The following RBFOX1 variants were observed in gnomAD, a reference collection of about 807,000 sequenced individuals.
RBFOX1 encodes RNA binding fox-1 homolog 1.
In RBFOX1, 8 loss-of-function variants were observed where a neutral mutation model predicts 57.7. The ratio of observed to expected loss-of-function variants is 0.14; its 90% confidence interval spans 0.08 to 0.25. The LOEUF (loss-of-function observed/expected upper bound fraction) is 0.25. Ranked by LOEUF, RBFOX1 falls within the 10% of genes least tolerant of loss-of-function variation. The pLI is 1.00. For synonymous variants in RBFOX1, 326 were observed against 222.4 expected, an observed-to-expected ratio of 1.47 and a Z score of -4.15; for missense variants, 611 against 548.5, an observed-to-expected ratio of 1.11 and a Z score of -1.14.
At chr16:7,380,962 G>C (rs993035288) in intron 4 of RBFOX1, among the ~76,000 whole-genome samples, 1 of 152,216 alleles carries the variant, frequency 6.6e-6, no homozygotes, top group Non-Finnish European at 1.5e-5. Context: ...TGAATCTCCA[G>C]AGTTCTCAGT....
chr16:6,933,885 A>G (rs886752451), intron 3 of RBFOX1, among the ~76,000 whole-genome samples: 2 of 152,198 alleles, frequency 1.3e-5, no homozygotes, highest in African/African-American at 2.4e-5. Flanking sequence ...TTTTGTCAAA[A>G]CAAAGTTATT....
intron 2 of RBFOX1, among the ~76,000 whole-genome samples, chr16:5,573,839 A>G (rs2046365160): frequency 6.6e-6 from 1 of 152,124 alleles, no homozygotes; most frequent in Non-Finnish European, 1.5e-5. Flanking sequence ...CTGTAGTCCC[A>G]GCTACTTGGG....
chr16:5,427,604 C>G (rs1023339865), intron 1 of RBFOX1, among the ~76,000 whole-genome samples: 3 of 151,578 alleles, frequency 2.0e-5, no homozygotes, highest in African/African-American at 7.3e-5. Context: ...CAAAACAAAA[C>G]AAAACAAAAC....
Position 6,878,855 on chromosome 16 carries a change from G to C in RBFOX1, c.-15-173202G>C, listed in dbSNP as rs1187441050. 2.1e-5 allele frequency among the ~76,000 whole-genome samples: 3 copies of C among 144,162 alleles called. No homozygotes were observed. The East Asian group carries it at 6.1e-4, about 29-fold the overall frequency. 94.6% of individuals were successfully genotyped at this position (144,162 alleles called of 152,430 possible). On this transcript the variant is annotated intron_variant, in intron 3 of 15. Transcript: ENST00000550418. ...AACCTATTTGAAGTTTTAAGGATCA[G>C]AGAGAAATTAACAGCTAATCTTTGA...
intron 2 of RBFOX1, among the ~76,000 whole-genome samples, chr16:6,554,351 G>C (rs1225667053): frequency 6.6e-6 from 1 of 152,122 alleles, no homozygotes; most frequent in Non-Finnish European, 1.5e-5. Flanking sequence ...CAAGTCTATA[G>C]AGATGCGAAG....
chr16:7,155,434 A>C (rs879857198), intron 4 of RBFOX1, among the ~76,000 whole-genome samples: 1 of 151,656 alleles, frequency 6.6e-6, no homozygotes, highest in African/African-American at 2.4e-5. Flanking sequence ...ACATAAAATG[A>C]TAATAATAGA....
intron 2 of RBFOX1, among the ~76,000 whole-genome samples, chr16:6,374,626 T>G (rs1327592265): frequency 6.6e-6 from 1 of 152,194 alleles, no homozygotes; most frequent in Non-Finnish European, 1.5e-5. Flanking sequence ...GAAAATGTCT[T>G]TTTTCCACAG....
At chr16:5,330,014 G>T (rs2064704165) in intron 1 of RBFOX1, among the ~76,000 whole-genome samples, 1 of 151,980 alleles carries the variant, frequency 6.6e-6, no homozygotes, top group South Asian at 2.1e-4. Flanking sequence ...GACCGATGCG[G>T]TGTCTGATGA....
chr16:5,415,844 C>T (rs942455446), intron 1 of RBFOX1, among the ~76,000 whole-genome samples: 1 of 152,122 alleles, frequency 6.6e-6, no homozygotes, highest in Non-Finnish European at 1.5e-5. Context: ...GGCTAAGACA[C>T]AGGGATATTT....
chr16:6,890,350 C>T (rs2065112236), intron 3 of RBFOX1, among the ~76,000 whole-genome samples: 1 of 152,162 alleles, frequency 6.6e-6, no homozygotes, highest in African/African-American at 2.4e-5. Context: ...GAAACCCCGT[C>T]TCTACTAAAA....
intron 2 of RBFOX1, among the ~76,000 whole-genome samples, chr16:6,381,048 A>C (rs1433023801): frequency 1.3e-5 from 2 of 152,170 alleles, no homozygotes; most frequent in African/African-American, 4.8e-5. Flanking sequence ...GGCAGGTCAG[A>C]GAGGAGATGC....
chr16:7,430,592 A>T (rs985775295), intron 4 of RBFOX1, among the ~76,000 whole-genome samples: 3 of 151,766 alleles, frequency 2.0e-5, no homozygotes, highest in Non-Finnish European at 4.4e-5. Flanking sequence ...AACCCAGGAG[A>T]CAGAGGTTTC....
chr16:5,689,212 T>G (rs1252193971), intron 3 of RBFOX1, among the ~76,000 whole-genome samples: 1 of 152,186 alleles, frequency 6.6e-6, no homozygotes, highest in Non-Finnish European at 1.5e-5. Context: ...TGGCACTCAT[T>G]AAGGATTGCT....
intron 3 of RBFOX1, among the ~76,000 whole-genome samples, chr16:6,999,216 A>ATTTTTTTTTTTTT (rs374767232): frequency 1.8e-5 from 2 of 109,034 alleles, no homozygotes; most frequent in Admixed American, 9.6e-5. Context: ...ATTTTTATTT[A>ATTTTTTTTTTTTT]TTTTTTTTAT....
At chr16:7,222,866 AC>A (rs1285394507) in intron 4 of RBFOX1, among the ~76,000 whole-genome samples, 8 of 152,206 alleles carry the variant, frequency 5.3e-5, no homozygotes, top group Admixed American at 1.3e-4. Context: ...TTGGTGGTTT[AC>A]TAAAGAGTGT....
chr16:6,791,434 A>T (rs1567260962), intron 3 of RBFOX1, among the ~76,000 whole-genome samples: 2 of 152,142 alleles, frequency 1.3e-5, no homozygotes, highest in Non-Finnish European at 2.9e-5. Context: ...GCCCCTTCCT[A>T]AAAAATTGTA....
intron 4 of RBFOX1, among the ~76,000 whole-genome samples, chr16:7,272,229 A>G (rs966646194): frequency 1.3e-5 from 2 of 152,040 alleles, no homozygotes; most frequent in African/African-American, 4.8e-5. Flanking sequence ...TGTCATCCAG[A>G]GCTGGAGTGC....
intron 4 of RBFOX1, among the ~76,000 whole-genome samples, chr16:7,465,694 C>T (rs949089408): frequency 1.3e-5 from 2 of 152,164 alleles, no homozygotes; most frequent in African/African-American, 2.4e-5. Flanking sequence ...TCCTTTGCTT[C>T]TGGGTCAATA....
chr16:7,041,082 A>ATTTTTTTTTTTTTT (rs61569211), intron 3 of RBFOX1, among the ~76,000 whole-genome samples: 3 of 109,310 alleles, frequency 2.7e-5, no homozygotes, highest in African/African-American at 7.1e-5. Context: ...CGCCCAGCTA[A>ATTTTTTTTTTTTTT]TTTTTTTTTT....
Sources: allele counts gnomAD v4.1 joint callset (sites outside exome capture counted in the v4.1 genomes callset), GRCh38; gene constraint gnomAD v4.1.1; transcripts MANE v1.5; gene names NCBI Gene and HGNC (gene_info 2026-07-23, HGNC 2026-07-21).